CADPS2: variants seen among roughly 807,000 people sequenced by gnomAD.
CADPS2 encodes the protein calcium-dependent secretion activator 2.
Under a neutral mutation model 172.5 loss-of-function variants are expected in CADPS2, and 93 were observed. The observed-to-expected ratio is 0.54, with a 90% confidence interval of 0.46 to 0.64. CADPS2 has a LOEUF of 0.64. CADPS2 is among the 30% of genes least tolerant of loss of function. The pLI is 0.00. For synonymous variants in CADPS2, 546 were observed against 555.2 expected (o/e 0.98, Z 0.23); for missense variants, 1,420 against 1,565.9 (o/e 0.91, Z 1.57).
At chr7:122,402,515 C>T (rs1253128443) in intron 20 of CADPS2, among the ~76,000 whole-genome samples, 2 of 152,056 alleles carry the variant, frequency 1.3e-5, no homozygotes, top group African/African-American at 2.4e-5. Context: ...TTTTAAACAT[C>T]GAAGCATACA....
chr7:122,412,475 G>T lies in CADPS2; in HGVS notation c.2589+1593C>A, dbSNP rs115783715. 2.4e-3 allele frequency among the ~76,000 whole-genome samples: 365 copies of T among 152,252 alleles called. 3 individuals carry two copies. The highest frequency in any genetic ancestry group is 8.4e-3 in the African/African-American group (351 of 41,542). On this transcript the variant is annotated intron_variant, in intron 19 of 29. Coordinates refer to ENST00000449022, the MANE Select transcript of CADPS2 (RefSeq NM_017954.11). ...AATTTGGTTCAGATACTGATATTTA[G>T]GGGAATGCACATATGCACAAATACG...
At chr7:122,704,072 G>A (rs2086601983) in intron 2 of CADPS2, among the ~76,000 whole-genome samples, 1 of 152,006 alleles carries the variant, frequency 6.6e-6, no homozygotes, top group South Asian at 2.1e-4. Flanking sequence ...TGCTCAGCAT[G>A]CCACAAAGTC....
Position 122,363,971 on chromosome 7 carries a change from G to A in CADPS2, c.3388-2958C>T, listed in dbSNP as rs185880876. ...TAAGTCAGAAAACCACTGGGATTCC[G>A]CCTGTTTCAAGGTTATTTGGCAGAC... is the stretch of plus-strand genomic sequence containing the variant. On this transcript the variant is annotated intron_variant, in intron 25 of 29. Coordinates refer to ENST00000449022, the MANE Select transcript of CADPS2 (RefSeq NM_017954.11). Among the ~76,000 whole-genome samples, 11 of 152,226 alleles carry A rather than the reference G, an allele frequency of 7.2e-5. No homozygotes were observed. In the East Asian group the frequency reaches 9.7e-4, roughly 13 times the overall value.
chr7:122,549,217 C>A (rs886858589), intron 8 of CADPS2, among the ~76,000 whole-genome samples: 1 of 151,906 alleles, frequency 6.6e-6, no homozygotes, highest in Non-Finnish European at 1.5e-5. Context: ...GGCAACATAG[C>A]GAAACCCTGT....
At chr7:122,846,103 T>C (rs1216781408) in intron 1 of CADPS2, among the ~76,000 whole-genome samples, 1 of 152,214 alleles carries the variant, frequency 6.6e-6, no homozygotes, top group Non-Finnish European at 1.5e-5. Flanking sequence ...TGCAGGGTAC[T>C]AAATGGCAAA....
chr7:122,386,329 G>GA (rs755147067), intron 24 of CADPS2: 2,292 of 1,360,478 alleles, frequency 1.7e-3, no homozygotes, highest in South Asian at 3.2e-3. Flanking sequence ...GCCATGGGTG[G>GA]AAAAAAAAAG....
intron 8 of CADPS2, among the ~76,000 whole-genome samples, chr7:122,526,082 T>C (rs898981816): frequency 2.6e-5 from 4 of 152,328 alleles, no homozygotes; most frequent in Non-Finnish European, 5.9e-5. Context: ...AAACTTTCTC[T>C]GATACTTTGT....
intron 8 of CADPS2, among the ~76,000 whole-genome samples, chr7:122,518,685 A>C (rs949211255): frequency 6.6e-6 from 1 of 152,014 alleles, no homozygotes; most frequent in Non-Finnish European, 1.5e-5. Flanking sequence ...TGATTGTGTG[A>C]TTAACTCAAA....
intron 6 of CADPS2, among the ~76,000 whole-genome samples, chr7:122,592,321 T>A (rs1415572289): frequency 2.0e-5 from 3 of 152,044 alleles, no homozygotes; most frequent in African/African-American, 7.2e-5. Flanking sequence ...TGGCAATCAT[T>A]AAAAAGTCAG....
chr7:122,844,035 G>A (rs1188098621), intron 1 of CADPS2, among the ~76,000 whole-genome samples: 1 of 152,228 alleles, frequency 6.6e-6, no homozygotes, highest in African/African-American at 2.4e-5. Context: ...CCAGTTTCCA[G>A]GCAACTGGGC....
At chr7:122,710,925 C>G (rs1246343475) in intron 2 of CADPS2, among the ~76,000 whole-genome samples, 1 of 152,128 alleles carries the variant, frequency 6.6e-6, no homozygotes, top group Admixed American at 6.6e-5. Flanking sequence ...TGTCTCTACA[C>G]TAGCACAATA....
chr7:122,427,271 GT>G (rs1460387535), intron 17 of CADPS2: 13 of 152,016 alleles, frequency 8.6e-5, no homozygotes, highest in African/African-American at 3.1e-4. Flanking sequence ...TTTCTGAACT[GT>G]TATCTAAGTG....
intron 7 of CADPS2, among the ~76,000 whole-genome samples, chr7:122,578,073 T>A (rs910718292): frequency 6.6e-6 from 1 of 151,082 alleles, no homozygotes; most frequent in Non-Finnish European, 1.5e-5. Flanking sequence ...AGTAGATATA[T>A]ATATGTGTAT....
intron 19 of CADPS2, 84 bp downstream of exon 19, chr7:122,413,984 A>G: frequency 8.4e-7 from 1 of 1,195,740 alleles, no homozygotes; most frequent in Non-Finnish European, 1.2e-6. Flanking sequence ...TTTAAAATGG[A>G]CTACAATCAG....
intron 2 of CADPS2, among the ~76,000 whole-genome samples, chr7:122,708,460 GGATA>G (rs1416996314): frequency 1.4e-4 from 4 of 28,972 alleles, no homozygotes; most frequent in Admixed American, 4.6e-4. Context: ...ATATGTGTGT[GGATA>G]TATATATATA....
intron 24 of CADPS2, among the ~76,000 whole-genome samples, chr7:122,384,050 T>TA (rs2043325894): frequency 6.6e-6 from 1 of 152,126 alleles, no homozygotes; most frequent in Admixed American, 6.6e-5. Context: ...ATGAGGATTC[T>TA]AAACACTGAG....
In CADPS2 at chr7:122,886,249, T is replaced by C; in HGVS notation, c.89A>G (p.Gln30Arg). The change falls in exon 1 of 30, where the codon CAG becomes CGG. Residue 30 changes from glutamine (Q) to arginine (R), a missense_variant. Transcript: ENST00000449022. ...CCGAGTCGGGGCTGGAGGAGCTCGC[T>C]GCGAGCTGCCGGCTGCCACCAGCAC... ...RDVLVAAGSS[Q>R]RAPPAPTREG... The C allele has an allele frequency of 6.7e-7, 1 of 1,499,092 alleles. No individual in the cohort carries two copies. The highest frequency in any genetic ancestry group is 8.8e-7 in the Non-Finnish European group (1 of 1,132,018). The allele number at this position is 1,499,092 out of a possible 1,614,324, so 92.9% of individuals were successfully genotyped here.
intron 1 of CADPS2, among the ~76,000 whole-genome samples, chr7:122,764,939 T>C (rs186977446): frequency 2.0e-5 from 3 of 152,266 alleles, no homozygotes; most frequent in African/African-American, 7.2e-5. Flanking sequence ...CCAGGTATTT[T>C]ACTAAATAAC....
chr7:122,460,930 T>C (rs908402016), intron 14 of CADPS2, among the ~76,000 whole-genome samples: 2 of 152,216 alleles, frequency 1.3e-5, no homozygotes, highest in Non-Finnish European at 2.9e-5. Context: ...AACTACGGCC[T>C]TTCATCTGCT....
Sources: allele counts gnomAD v4.1 joint callset (sites outside exome capture counted in the v4.1 genomes callset), GRCh38; gene constraint gnomAD v4.1.1; transcripts MANE v1.5; gene names NCBI Gene and HGNC (gene_info 2026-07-23, HGNC 2026-07-21).